Variants in KIF15 observed in about 807,000 individuals in gnomAD.
The protein encoded by KIF15 is kinesin-like protein KIF15.
A neutral mutation model predicts 190.6 loss-of-function variants in KIF15; 140 were observed. The ratio of observed to expected loss-of-function variants is 0.73; its 90% confidence interval spans 0.64 to 0.84. The LOEUF is 0.84. Ranked by LOEUF, KIF15 falls within the 40% of genes least tolerant of loss-of-function variation. The pLI is 0.00. For missense variants in KIF15, 1,372 were observed against 1,584.4 expected, an observed-to-expected ratio of 0.87 and a Z score of 2.28; for synonymous variants, 528 against 551.3, an observed-to-expected ratio of 0.96 and a Z score of 0.59.
intron 34 of KIF15, 145 bp downstream of exon 34, chr3:44,852,484 G>T: frequency 3.4e-6 from 3 of 894,416 alleles, no homozygotes; most frequent in South Asian, 2.1e-5. Flanking sequence ...AAAGTTGGTC[G>T]TTGCTATTCT....
rs748084483 is a variant in KIF15, at chr3:44,794,282, G to A, written c.705G>A (p.Arg235=). Residue 235 remains arginine, a synonymous_variant, in exon 8 of 35, where the codon AGG becomes AGA. Coordinates refer to ENST00000326047, the MANE Select transcript of KIF15 (RefSeq NM_020242.3). ...CATCAATGAACAGAGAATCGTCTAG[G>A]TCTCATGCCGTCTTTACAATTACAA... ...ASTSMNRESS[R]SHAVFTITIE... 2 of 1,614,076 alleles carry A rather than the reference G, an allele frequency of 1.2e-6. No individual in the cohort carries two copies.
At chr3:44,790,635 C>G (rs1447065275) in intron 7 of KIF15, among the ~76,000 whole-genome samples, 4 of 151,412 alleles carry the variant, frequency 2.6e-5, no homozygotes, top group Admixed American at 2.6e-4. Context: ...TCACCTACCA[C>G]TGAACATTCT....
intron 7 of KIF15, among the ~76,000 whole-genome samples, chr3:44,787,323 A>G (rs182271671): frequency 3.0e-4 from 46 of 152,290 alleles, no homozygotes; most frequent in South Asian, 6.2e-4. Flanking sequence ...CCACTTTTAA[A>G]TCACATATGT....
intron 24 of KIF15, among the ~76,000 whole-genome samples, chr3:44,829,692 ATG>A (rs1697950041): frequency 8.0e-6 from 1 of 124,926 alleles, no homozygotes; most frequent in Admixed American, 8.7e-5. Context: ...TATATTATAG[ATG>A]TATATATATT....
At chr3:44,861,956 C>T in intron 6 of KIF15, 1 of 1,404,584 alleles carries the variant, frequency 7.1e-7, no homozygotes. Context: ...CCGGGCGGCG[C>T]CGTGTCCGCG....
rs372422555 is a variant in KIF15, at chr3:44,810,883, C to T, written c.2009C>T (p.Ser670Phe). 6.2e-7 allele frequency: 1 copy of T among 1,613,926 alleles called. No homozygotes were observed. The highest frequency in any genetic ancestry group is 1.1e-5 in the South Asian group (1 of 91,034). ...CCAACCAAGGCCTACCAACTTCATT[C>T]CCGACCAGTACCAAAATTAAGCCCT... ...TTPTKAYQLHSRPVPKLSPEM... is the reference protein window; with the variant it reads ...TTPTKAYQLHFRPVPKLSPEM... Residue 670 changes from serine to phenylalanine, a missense_variant, in exon 17 of 35, where the codon TCC (serine) becomes TTC (phenylalanine). Coordinates refer to ENST00000326047, the MANE Select transcript of KIF15 (RefSeq NM_020242.3).
chr3:44,861,901 C>T, intron 6 of KIF15: 1 of 1,487,050 alleles, frequency 6.7e-7, no homozygotes, highest in Non-Finnish European at 8.9e-7. Flanking sequence ...GCAGCGGGTG[C>T]CAGGCACGGT....
At position 44,828,201 on chromosome 3, in the gene KIF15, T is replaced by C. The variant is rs1697779973; in HGVS notation, c.2857-13T>C. 3 of 1,594,942 alleles carry C rather than the reference T, an allele frequency of 1.9e-6. No individual in the cohort carries two copies. In the South Asian group the frequency reaches 3.3e-5, roughly 18 times the overall value. ...TTAATTATTCTTCTAAAAATATTTC[T>C]TTTTCACCATAGATGGCAAAAGTAC... On this transcript the variant is annotated splice_polypyrimidine_tract_variant and intron_variant, in intron 23 of 34. Coordinates refer to ENST00000326047, the MANE Select transcript of KIF15 (RefSeq NM_020242.3).
intron 5 of KIF15, among the ~76,000 whole-genome samples, chr3:44,781,974 C>T (rs747403935): frequency 6.6e-6 from 1 of 151,960 alleles, no homozygotes; most frequent in Non-Finnish European, 1.5e-5. Flanking sequence ...TTTCATTTGT[C>T]TTTTGACTTA....
chr3:44,832,171 T>C lies in KIF15; in HGVS notation c.3171+1153T>C, dbSNP rs559251596. Among the ~76,000 whole-genome samples the C allele has an allele frequency of 2.6e-5, 4 of 152,294 alleles. No individual in the cohort carries two copies. In the East Asian group the frequency reaches 5.8e-4, roughly 22 times the overall value. On this transcript the variant is annotated intron_variant, in intron 26 of 34. Transcript: ENST00000326047. The stretch of plus-strand genomic sequence containing the variant: ...AAGAGAGAGTATTTGTACACAACTT[T>C]GCCAGAGAGGGAAGCTTGGCAGTGT...
At chr3:44,822,757 T>C (rs1209177971) in intron 20 of KIF15, among the ~76,000 whole-genome samples, 2 of 152,208 alleles carry the variant, frequency 1.3e-5, no homozygotes, top group Non-Finnish European at 2.9e-5. Flanking sequence ...ATTGATTTGA[T>C]CTTCACTCAG....
intron 19 of KIF15, among the ~76,000 whole-genome samples, chr3:44,814,531 G>A (rs950570909): frequency 2.0e-5 from 3 of 152,050 alleles, no homozygotes; most frequent in Admixed American, 6.6e-5. Context: ...GTCTGGTCTC[G>A]AACTCCTGAC....
At chr3:44,794,189 T>C (rs1196566053) in intron 7 of KIF15, 28 bp from the exon 8 acceptor site, 45 of 1,583,574 alleles carry the variant, frequency 2.8e-5, no homozygotes, top group Non-Finnish European at 3.5e-5. Flanking sequence ...TCCTCTCATT[T>C]CTTTTAATAT....
intron 4 of KIF15, among the ~76,000 whole-genome samples, chr3:44,779,007 A>G (rs895631277): frequency 2.6e-5 from 4 of 151,364 alleles, no homozygotes; most frequent in Admixed American, 1.3e-4. Context: ...AAAAACCAAA[A>G]CAAAAAAGAA....
chr3:44,829,329 C>G (rs964817912), intron 24 of KIF15, among the ~76,000 whole-genome samples: 3 of 148,664 alleles, frequency 2.0e-5, no homozygotes, highest in Admixed American at 1.4e-4. Context: ...TGCACTCCAG[C>G]CTGGGCAACA....
At chr3:44,829,672 T>C (rs1274073392) in intron 24 of KIF15, among the ~76,000 whole-genome samples, 2 of 131,340 alleles carry the variant, frequency 1.5e-5, no homozygotes, top group East Asian at 4.0e-4. Flanking sequence ...GTATATATAA[T>C]ATATGTATAT....
intron 1 of KIF15, among the ~76,000 whole-genome samples, chr3:44,764,494 C>G (rs1280298097): frequency 6.6e-6 from 1 of 151,994 alleles, no homozygotes; most frequent in Non-Finnish European, 1.5e-5. Context: ...TGTTTATTCT[C>G]CTGTTGATTG....
chr3:44,811,060 GA>G lies in KIF15; in HGVS notation c.2169+23del, dbSNP rs1255914457. The G allele has an allele frequency of 1.9e-6, 3 of 1,551,858 alleles. No individual in the cohort carries two copies. Among genetic ancestry groups the G allele is most frequent in the Admixed American group, 2.1e-5 (1 of 47,034 alleles). On this transcript the variant is annotated intron_variant, in intron 17 of 34. Transcript: ENST00000326047. ...ACAGTGCAGGTAATGTTTTGTTCTAGAAAAAATAAATAACTGGACATCCATT... is the reference window on the plus strand; with the variant it reads ...ACAGTGCAGGTAATGTTTTGTTCTAGAAAAATAAATAACTGGACATCCATT...
chr3:44,764,811 A>G (rs1219361015), intron 1 of KIF15, among the ~76,000 whole-genome samples: 8 of 152,120 alleles, frequency 5.3e-5, no homozygotes, highest in African/African-American at 1.9e-4. Flanking sequence ...TATTTTTTAT[A>G]TTTTTAGTAG....
Sources: allele counts gnomAD v4.1 joint callset (sites outside exome capture counted in the v4.1 genomes callset), GRCh38; gene constraint gnomAD v4.1.1; transcripts MANE v1.5; gene names NCBI Gene and HGNC (gene_info 2026-07-23, HGNC 2026-07-21).